The following CFAP61 variants were observed in gnomAD, a reference collection of about 807,000 sequenced individuals.
CFAP61 encodes the protein cilia- and flagella-associated protein 61.
CFAP61 carries 107 observed loss-of-function variants against 135.6 expected under a neutral mutation model. The observed-to-expected ratio is 0.79, with a 90% CI of 0.67 to 0.93. The LOEUF (loss-of-function observed/expected upper bound fraction) is 0.93. CFAP61 is among the 40% of genes least tolerant of loss of function. The pLI, the probability that CFAP61 is intolerant of heterozygous loss-of-function variation, is 0.00. For missense variants in CFAP61, 1,507 were observed against 1,556.2 expected (o/e 0.97, Z 0.53); for synonymous variants, 575 against 578.5 (o/e 0.99, Z 0.09).
At chr20:20,190,924 T>C (rs2328502) in intron 14 of CFAP61, among the ~76,000 whole-genome samples, 13,214 of 151,982 alleles carry the variant, frequency 0.087, 1,333 homozygotes, top group East Asian at 0.56. Context: ...TTCAAGACCA[T>C]CCTGGGCAAC....
intron 26 of CFAP61, among the ~76,000 whole-genome samples, chr20:20,347,703 G>C (rs930860483): frequency 6.6e-6 from 1 of 152,132 alleles, no homozygotes; most frequent in African/African-American, 2.4e-5. Flanking sequence ...GGGAGGCCAA[G>C]GTGGGCCGAT....
chr20:20,071,099 A>C, intron 3 of CFAP61, 95 bp downstream of exon 3: 1 of 1,231,984 alleles, frequency 8.1e-7, no homozygotes, highest in Non-Finnish European at 1.2e-6. Context: ...TGTACTGAGC[A>C]GTATATGACA....
chr20:20,325,578 C>A (rs182371163), intron 25 of CFAP61, among the ~76,000 whole-genome samples: 8 of 152,152 alleles, frequency 5.3e-5, no homozygotes, highest in Non-Finnish European at 7.4e-5. Flanking sequence ...GAATAATATT[C>A]CATTGTCTGG....
rs143208023 is a variant in CFAP61, at chr20:20,108,899, A to G, written c.859+10085A>G. On this transcript the variant is annotated intron_variant, in intron 8 of 26. Transcript: ENST00000245957. ...ATATGTTACTACAATTTAATCCACA[A>G]TCCAAAGACACCAGTTACATTTCTT... Among the ~76,000 whole-genome samples, 104 of 152,336 alleles carry G rather than the reference A, an allele frequency of 6.8e-4. 1 individual carries two copies. Among genetic ancestry groups the G allele is most frequent in the African/African-American group, 2.4e-3 (98 of 41,576 alleles).
chr20:20,067,974 T>C (rs2045424016), intron 2 of CFAP61, among the ~76,000 whole-genome samples: 1 of 152,050 alleles, frequency 6.6e-6, no homozygotes, highest in Non-Finnish European at 1.5e-5. Flanking sequence ...TAGTGCATTT[T>C]CCCATTGAAA....
intron 23 of CFAP61, 57 bp downstream of exon 23, chr20:20,288,993 A>T: frequency 5.1e-6 from 7 of 1,359,222 alleles, no homozygotes; most frequent in Non-Finnish European, 6.1e-6. Context: ...ATGGCTCAGC[A>T]GTCAGGCCAG....
At chr20:20,204,659 G>C (rs1036358953) in intron 17 of CFAP61, among the ~76,000 whole-genome samples, 6 of 152,152 alleles carry the variant, frequency 3.9e-5, no homozygotes, top group Non-Finnish European at 8.8e-5. Context: ...ACCGCCAGTG[G>C]TTAGACTTCC....
chr20:20,177,305 T>C (rs1569071962), intron 13 of CFAP61, among the ~76,000 whole-genome samples: 1 of 129,404 alleles, frequency 7.7e-6, no homozygotes, highest in Non-Finnish European at 1.6e-5. Flanking sequence ...AATGCTTTCA[T>C]TTGGAAAGGA....
intron 25 of CFAP61, among the ~76,000 whole-genome samples, chr20:20,310,950 C>T (rs1280546851): frequency 3.3e-5 from 5 of 152,224 alleles, no homozygotes; most frequent in Non-Finnish European, 7.3e-5. Context: ...ATCTCCACCT[C>T]ATGGTGTTCA....
chr20:20,355,557 A>G (rs1310863772), intron 26 of CFAP61, among the ~76,000 whole-genome samples: 1 of 97,554 alleles, frequency 1.0e-5, no homozygotes, highest in African/African-American at 4.4e-5. Flanking sequence ...GTGAGCAGAG[A>G]TGGTCACACT....
At chr20:20,281,583 T>C (rs535635161) in intron 22 of CFAP61, among the ~76,000 whole-genome samples, 13 of 152,230 alleles carry the variant, frequency 8.5e-5, no homozygotes, top group Non-Finnish European at 1.9e-4. Flanking sequence ...GCCAGCCTTA[T>C]ATCTCTGGAA....
chr20:20,060,851 G>T (rs913089260), intron 2 of CFAP61, among the ~76,000 whole-genome samples: 9 of 152,206 alleles, frequency 5.9e-5, no homozygotes, highest in Non-Finnish European at 1.2e-4. Flanking sequence ...CCCTGTGGGT[G>T]CTTCATTTGA....
intron 13 of CFAP61, among the ~76,000 whole-genome samples, chr20:20,182,728 A>G (rs6046708): frequency 0.012 from 333 of 27,656 alleles, 2 homozygotes; most frequent in African/African-American, 0.044. Context: ...GAAGCAATTA[A>G]AAGCAATTTC....
intron 8 of CFAP61, among the ~76,000 whole-genome samples, chr20:20,139,958 A>G (rs936659557): frequency 2.4e-4 from 37 of 152,138 alleles, no homozygotes; most frequent in Non-Finnish European, 4.4e-4. Flanking sequence ...TAGGAAAGAA[A>G]TATCTTTGTA....
intron 7 of CFAP61, among the ~76,000 whole-genome samples, chr20:20,092,836 T>C (rs1388900689): frequency 6.6e-6 from 1 of 152,144 alleles, no homozygotes; most frequent in African/African-American, 2.4e-5. Context: ...AGCAGGACAA[T>C]AGCAGATGTT....
chr20:20,179,411 G>A (rs572264651), intron 13 of CFAP61, among the ~76,000 whole-genome samples: 2 of 152,132 alleles, frequency 1.3e-5, no homozygotes, highest in Non-Finnish European at 2.9e-5. Flanking sequence ...AACATTCCAT[G>A]GTCATGGATA....
chr20:20,122,644 G>GT (rs1329074030), intron 8 of CFAP61, among the ~76,000 whole-genome samples: 1 of 152,130 alleles, frequency 6.6e-6, no homozygotes, highest in Non-Finnish European at 1.5e-5. Flanking sequence ...ATATATCACA[G>GT]TTTCTTTTTC....
intron 9 of CFAP61, among the ~76,000 whole-genome samples, chr20:20,158,587 G>A (rs1211778798): frequency 6.6e-6 from 1 of 152,204 alleles, no homozygotes; most frequent in Non-Finnish European, 1.5e-5. Context: ...ACTGATGCGT[G>A]CAACAGCATG....
At chr20:20,230,970 T>A (rs552861588) in intron 18 of CFAP61, among the ~76,000 whole-genome samples, 2 of 152,366 alleles carry the variant, frequency 1.3e-5, no homozygotes, top group African/African-American at 4.8e-5. Context: ...CTGGTAATTC[T>A]GTCATCTGAC....
Sources: allele counts gnomAD v4.1 joint callset (sites outside exome capture counted in the v4.1 genomes callset), GRCh38; gene constraint gnomAD v4.1.1; transcripts MANE v1.5; gene names NCBI Gene and HGNC (gene_info 2026-07-23, HGNC 2026-07-21).